Variants in TTC27 observed in about 807,000 individuals in gnomAD.
The protein encoded by TTC27 is tetratricopeptide repeat protein 27.
TTC27 carries 79 observed loss-of-function variants against 115.9 expected under a neutral mutation model. That is an observed-to-expected ratio of 0.68 (90% CI 0.57 to 0.82). The LOEUF (loss-of-function observed/expected upper bound fraction) is 0.82. Ranked by LOEUF, TTC27 falls within the 40% of genes least tolerant of loss-of-function variation. The pLI is 0.00. For synonymous variants in TTC27, 401 were observed against 356.0 expected (o/e 1.13, Z -1.42); for missense variants, 1,054 against 993.1 (o/e 1.06, Z -0.82).
At chr2:32,693,600 T>C (rs751206540) in intron 9 of TTC27, among the ~76,000 whole-genome samples, 3 of 152,226 alleles carry the variant, frequency 2.0e-5, no homozygotes, top group Non-Finnish European at 4.4e-5. Context: ...TGAGAAAGGA[T>C]AGACTTTTCA....
rs746775380 is a variant in TTC27, at chr2:32,628,341, GA to G, written c.50del (p.Glu17GlyfsTer32). On this transcript the variant is annotated frameshift_variant, in exon 1 of 20. Transcript: ENST00000317907. LOFTEE classifies it high-confidence loss of function. ...TCTGAGGGGATTCCCCACTGAGGCTGAGCGGCAGCAATGGAAACAGGAGGGG... is the reference window on the plus strand; with the variant it reads ...TCTGAGGGGATTCCCCACTGAGGCTGGCGGCAGCAATGGAAACAGGAGGGG... ...AILRGFPTEA[E>X]RQQWKQEGVV... 6.2e-7 allele frequency: 1 copy of G among 1,608,196 alleles called. No homozygotes were observed. Among genetic ancestry groups the G allele is most frequent in the Admixed American group, 1.7e-5 (1 of 58,922 alleles).
rs756259960 is a variant in TTC27 at position 32,697,082 on chromosome 2, C to T, written c.1120-5725C>T. Among the ~76,000 whole-genome samples, 30 of 151,972 alleles carry T rather than the reference C, an allele frequency of 2.0e-4. 1 individual carries two copies. Among genetic ancestry groups the T allele is most frequent in the Non-Finnish European group, 1.2e-4 (8 of 67,986 alleles). On this transcript the variant is annotated intron_variant, in intron 9 of 19. Coordinates refer to ENST00000317907, the MANE Select transcript of TTC27 (RefSeq NM_017735.5). ...TGGCAAGTGCCTGTAGCCCCAGTTA[C>T]CCAGGAGGCTGAGGCAGGAGAATCA... is the stretch of plus-strand genomic sequence containing the variant.
intron 10 of TTC27, among the ~76,000 whole-genome samples, chr2:32,721,095 T>C (rs929250286): frequency 2.0e-5 from 3 of 152,238 alleles, no homozygotes; most frequent in Non-Finnish European, 2.9e-5. Context: ...TGAGTGGGTA[T>C]GGCTTCAAAA....
At chr2:32,671,293 A>AT (rs34190032) in intron 7 of TTC27, among the ~76,000 whole-genome samples, 123,139 of 151,056 alleles carry the variant, frequency 0.82, 50,187 homozygotes, top group Middle Eastern at 0.9. Context: ...GTGAAGGGTC[A>AT]TTTTTTTTTC....
rs567804062 is a variant in TTC27, at chr2:32,664,662, T to C, written c.805+195T>C. On this transcript the variant is annotated intron_variant, in intron 6 of 19. Coordinates refer to ENST00000317907, the MANE Select transcript of TTC27 (RefSeq NM_017735.5). ...ATATATTTTCCTTATTTCTAGAGTT[T>C]TCCATTTATTGCGCTGATCTGTTTA... is the stretch of plus-strand genomic sequence containing the variant. 3.9e-5 allele frequency among the ~76,000 whole-genome samples: 6 copies of C among 152,262 alleles called. No homozygotes were observed. The South Asian group carries it at 8.3e-4, about 21-fold the overall frequency.
chr2:32,652,388 A>G (rs113356714), intron 5 of TTC27, among the ~76,000 whole-genome samples: 22,280 of 151,752 alleles, frequency 0.15, 1,941 homozygotes, highest in South Asian at 0.37. Context: ...TATATAAATA[A>G]ATAAATAAAA....
chr2:32,680,413 A>G (rs1183500579), intron 9 of TTC27, among the ~76,000 whole-genome samples: 1 of 152,206 alleles, frequency 6.6e-6, no homozygotes, highest in Non-Finnish European at 1.5e-5. Flanking sequence ...TATGTCAAAT[A>G]CAGAGTAGAC....
chr2:32,696,976 A>G (rs796460465), intron 9 of TTC27, among the ~76,000 whole-genome samples: 39 of 152,284 alleles, frequency 2.6e-4, no homozygotes, highest in African/African-American at 8.7e-4. Context: ...AGGTGGGCTC[A>G]TTGCTTGAGC....
intron 10 of TTC27, among the ~76,000 whole-genome samples, chr2:32,707,931 G>A (rs1025173174): frequency 3.9e-5 from 6 of 151,918 alleles, no homozygotes; most frequent in Non-Finnish European, 5.9e-5. Context: ...GGAACATCTT[G>A]TAGTGCCAGG....
intron 10 of TTC27, among the ~76,000 whole-genome samples, chr2:32,712,116 G>A (rs138695800): frequency 7.9e-5 from 12 of 152,312 alleles, no homozygotes; most frequent in Non-Finnish European, 1.6e-4. Context: ...CATGGTTGCC[G>A]GCAGTTACAC....
At position 32,736,686 on chromosome 2, in the gene TTC27, T is replaced by A. The variant is rs1471591874; in HGVS notation, c.1330-8T>A. 1 of 1,613,550 alleles carries A rather than the reference T, an allele frequency of 6.2e-7. No individual in the cohort carries two copies. The highest frequency in any genetic ancestry group is 8.5e-7 in the Non-Finnish European group (1 of 1,179,822). ...GAAGTATTAATTATTTTTACTTGAT[T>A]TTTCTAGCGCCAACTTGCAAGTTTG... On this transcript the variant is annotated splice_region_variant and splice_polypyrimidine_tract_variant and intron_variant, in intron 11 of 19. Transcript: ENST00000317907.
chr2:32,639,887 C>T (rs1436663663), intron 3 of TTC27, among the ~76,000 whole-genome samples: 3 of 152,060 alleles, frequency 2.0e-5, no homozygotes, highest in African/African-American at 4.8e-5. Context: ...GCCTGGAGTC[C>T]CAGCTATTCG....
At position 32,755,623 on chromosome 2, in the gene TTC27, G is replaced by GGGAGAT. The variant is rs1279029419; in HGVS notation, c.1453-2664_1453-2663insTGGAGA. 1.6e-4 allele frequency among the ~76,000 whole-genome samples: 13 copies of GGGAGAT among 79,976 alleles called. No individual in the cohort carries two copies. In the East Asian group the frequency reaches 3.6e-3, roughly 22 times the overall value. The allele number at this position is 79,976 out of a possible 152,430, so 52.5% of individuals were successfully genotyped here. A position where few individuals can be genotyped will look rare whatever the true frequency, so the allele number is the denominator to read the frequency against. ...GAAAGAGAGGGAGAGGGAGACCGTG[G>GGGAGAT]GGAGACGGAGAGGGAGAGGGAGAGG... On this transcript the variant is annotated intron_variant, in intron 12 of 19. Transcript: ENST00000317907.
intron 10 of TTC27, among the ~76,000 whole-genome samples, chr2:32,733,324 T>C (rs1465472582): frequency 1.3e-5 from 2 of 152,210 alleles, no homozygotes; most frequent in Non-Finnish European, 2.9e-5. Flanking sequence ...CTCACATGAG[T>C]GAATGTCCAG....
At chr2:32,798,432 G>A (rs553595803) in intron 16 of TTC27, among the ~76,000 whole-genome samples, 17 of 148,224 alleles carry the variant, frequency 1.1e-4, no homozygotes, top group South Asian at 6.4e-4. Flanking sequence ...GGCTGGGCGC[G>A]GTGGCTCACG....
At chr2:32,722,292 C>T (rs1390997188) in intron 10 of TTC27, among the ~76,000 whole-genome samples, 4 of 152,148 alleles carry the variant, frequency 2.6e-5, no homozygotes, top group Non-Finnish European at 5.9e-5. Context: ...GCATTAATAA[C>T]TGTGTGCATT....
At chr2:32,700,806 C>G (rs1248863865) in intron 9 of TTC27, among the ~76,000 whole-genome samples, 1 of 152,192 alleles carries the variant, frequency 6.6e-6, no homozygotes, top group Non-Finnish European at 1.5e-5. Context: ...TCCCAAAGTG[C>G]TGGGATTACA....
chr2:32,631,490 A>T (rs754554951), intron 2 of TTC27, among the ~76,000 whole-genome samples: 1 of 152,194 alleles, frequency 6.6e-6, no homozygotes, highest in Non-Finnish European at 1.5e-5. Context: ...TATAGGGTTA[A>T]GTATAGCAGA....
intron 9 of TTC27, among the ~76,000 whole-genome samples, chr2:32,690,657 T>A (rs1176043067): frequency 6.6e-6 from 1 of 152,160 alleles, no homozygotes; most frequent in Non-Finnish European, 1.5e-5. Flanking sequence ...TGGGTCCTTT[T>A]GTTGAGGGTA....
Sources: gnomAD v4.1 joint callset for allele counts (sites outside exome capture counted in the v4.1 genomes callset) on GRCh38, gnomAD v4.1.1 for gene constraint, MANE v1.5 for transcripts, NCBI Gene and HGNC (gene_info 2026-07-23, HGNC 2026-07-21) for gene names.